The following COL4A3 variants were observed in gnomAD, a reference collection of about 807,000 sequenced individuals.
COL4A3 encodes collagen alpha-3(IV) chain.
Under a neutral mutation model 217.4 loss-of-function variants are expected in COL4A3, and 135 were observed. The observed-to-expected ratio is 0.62, with a 90% CI of 0.54 to 0.72. The LOEUF (loss-of-function observed/expected upper bound fraction) is 0.72. Among genes scored for constraint, COL4A3 ranks in the 30% least tolerant of loss-of-function variants. The pLI, the probability that COL4A3 is intolerant of heterozygous loss-of-function variation, is 0.00. For synonymous variants in COL4A3, 690 were observed against 736.3 expected (o/e 0.94, Z 1.02); for missense variants, 1,868 against 2,119.9 (o/e 0.88, Z 2.33).
At chr2:227,241,535 G>A (rs148309974) in intron 3 of COL4A3, among the ~76,000 whole-genome samples, 5,903 of 152,076 alleles carry the variant, frequency 0.039, 352 homozygotes, top group African/African-American at 0.13. Context: ...TTAGCCAGGT[G>A]TGGTGGCATA....
chr2:227,288,871 T>C (rs2072498711), intron 34 of COL4A3, among the ~76,000 whole-genome samples: 2 of 152,246 alleles, frequency 1.3e-5, no homozygotes, highest in South Asian at 4.2e-4. Context: ...TACAGTAATA[T>C]GCCATCGGTT....
chr2:227,195,265 TC>T (rs1183842058), intron 1 of COL4A3, among the ~76,000 whole-genome samples: 2 of 124,034 alleles, frequency 1.6e-5, no homozygotes, highest in Non-Finnish European at 3.3e-5. Flanking sequence ...TCACGTAAAA[TC>T]CCATAATCCC....
intron 33 of COL4A3, 42 bp from the exon 34 acceptor site, chr2:227,284,169 C>A (rs2072173513): frequency 1.9e-6 from 3 of 1,613,476 alleles, no homozygotes; most frequent in Non-Finnish European, 2.5e-6. Flanking sequence ...TATGAACTAC[C>A]TGAAGAATTA....
chr2:227,165,102 T>C (rs1215457929), intron 1 of COL4A3, among the ~76,000 whole-genome samples: 1 of 151,904 alleles, frequency 6.6e-6, no homozygotes, highest in Non-Finnish European at 1.5e-5. Context: ...GGTCAGTAAA[T>C]TAAAAAATAG....
intron 9 of COL4A3, among the ~76,000 whole-genome samples, chr2:227,249,230 A>ATATATATATATATTTTTTTTTTTTT: frequency 2.0e-4 from 3 of 14,688 alleles, no homozygotes; most frequent in African/African-American, 5.3e-4. Context: ...ATATATATAT[A>ATATATATATATATTTTTTTTTTTTT]TTTTTTTTTT....
In COL4A3 at chr2:227,272,972, C is replaced by A; in HGVS notation, c.1782C>A (p.Asp594Glu). The A allele has an allele frequency of 1.2e-6, 2 of 1,614,072 alleles. No individual in the cohort carries two copies. Among genetic ancestry groups the A allele is most frequent in the Non-Finnish European group, 1.7e-6 (2 of 1,180,010 alleles). Residue 594 changes from aspartate to glutamate, a missense_variant, in exon 26 of 52, where the codon GAC (aspartate) becomes GAA (glutamate). Physicochemically the swap from Asp to Glu is conservative, Grantham distance 45 (BLOSUM62 2). Transcript: ENST00000396578. Reference sequence around the variant, plus strand: ...AGGCTCTGAGTGGTGAGAAAGGGGACCAAGGTCCTCCAGGGGATCCTGGCT... The same window carrying A: ...AGGCTCTGAGTGGTGAGAAAGGGGAACAAGGTCCTCCAGGGGATCCTGGCT... The part of the protein sequence containing the change: ...GELALSGEKG[D>E]QGPPGDPGSP...
intron 1 of COL4A3, among the ~76,000 whole-genome samples, chr2:227,203,253 ATATATACATATATGTG>A (rs2066890479): frequency 1.7e-5 from 1 of 60,526 alleles, no homozygotes; most frequent in Non-Finnish European, 3.3e-5. Flanking sequence ...ACATATATGT[ATATATACATATATGTG>A]TATATATGTG....
chr2:227,230,403 T>C (rs1422677200), intron 1 of COL4A3, among the ~76,000 whole-genome samples: 3 of 152,324 alleles, frequency 2.0e-5, no homozygotes, highest in African/African-American at 7.2e-5. Flanking sequence ...ACAAATGATT[T>C]TGTATTCCAT....
rs1338835965 is a variant in COL4A3, at chr2:227,291,001, TCAGA to T, written c.3210+119_3210+122del. 8.7e-4 allele frequency: 1,060 copies of T among 1,219,302 alleles called. 8 individuals are homozygous for T. The highest frequency in any genetic ancestry group is 1.6e-4 in the Non-Finnish European group (141 of 861,764). The allele number at this position is 1,219,302 out of a possible 1,614,324, so 75.5% of individuals were successfully genotyped here. A position where few individuals can be genotyped will look rare whatever the true frequency, so the allele number is the denominator to read the frequency against. ...GAAAATTGAAACTGTTACTATACTT[TCAGA>T]CAGTTATTTGGATTTTTAAAATCCT... On this transcript the variant is annotated intron_variant, in intron 37 of 51. Coordinates refer to ENST00000396578, the MANE Select transcript of COL4A3 (RefSeq NM_000091.5).
intron 1 of COL4A3, among the ~76,000 whole-genome samples, chr2:227,198,309 T>C (rs1028689599): frequency 2.0e-5 from 3 of 152,224 alleles, no homozygotes; most frequent in Non-Finnish European, 2.9e-5. Context: ...GATTTGTGAA[T>C]GGCCATCAGA....
Position 227,191,451 on chromosome 2 carries a change from CTCTT to C in COL4A3, c.87+26640_87+26643del, listed in dbSNP as rs2066236001. On this transcript the variant is annotated intron_variant, in intron 1 of 51. Coordinates refer to ENST00000396578, the MANE Select transcript of COL4A3 (RefSeq NM_000091.5). This position sits in a 1 kb window ranked among gnomAD's most constrained non-coding sequence, Gnocchi z 6.8. ...TTTTGAAAAGCAGTTCACAAAATCA[CTCTT>C]TACCAGCCACATACAAATGTTGAAT... Among the ~76,000 whole-genome samples the C allele has an allele frequency of 6.6e-6, 1 of 152,214 alleles. No individual in the cohort carries two copies. The highest frequency in any genetic ancestry group is 1.5e-5 in the Non-Finnish European group (1 of 68,050).
intron 3 of COL4A3, among the ~76,000 whole-genome samples, chr2:227,240,846 C>T (rs34501615): frequency 5.3e-5 from 8 of 152,104 alleles, no homozygotes; most frequent in Non-Finnish European, 8.8e-5. Flanking sequence ...TGCCTTCTAC[C>T]ACCTCTCCTC....
At position 227,295,181 on chromosome 2, in the gene COL4A3, T is replaced by C. The variant is rs775223045; in HGVS notation, c.3518-88T>C. Reference sequence around the variant, plus strand: ...CTGATAGAACTGATTATCTTTAACATGTTTTCGGTGTGTACTAAACTTTTC... The same window carrying C: ...CTGATAGAACTGATTATCTTTAACACGTTTTCGGTGTGTACTAAACTTTTC... On this transcript the variant is annotated intron_variant, in intron 40 of 51. Transcript: ENST00000396578. The C allele has an allele frequency of 8.6e-5, 130 of 1,511,494 alleles. 1 individual carries two copies. Among genetic ancestry groups the C allele is most frequent in the Admixed American group, 1.8e-4 (11 of 59,714 alleles). 93.6% of individuals were successfully genotyped at this position (1,511,494 alleles called of 1,614,324 possible). A position where few individuals can be genotyped will look rare whatever the true frequency, so the allele number is the denominator to read the frequency against.
intron 1 of COL4A3, among the ~76,000 whole-genome samples, chr2:227,234,496 T>G (rs1220632335): frequency 6.6e-6 from 1 of 152,238 alleles, no homozygotes; most frequent in Non-Finnish European, 1.5e-5. Flanking sequence ...CAAATAGCCA[T>G]GCAATTCATA....
rs1265432530 is a variant in COL4A3 at position 227,284,291 on chromosome 2, G to C, written c.2827G>C (p.Gly943Arg). ...KGEQGDKGNP[G>R]PSEISHVIGD... is the part of the protein sequence containing the mutation. ...GGAACAAGGAGATAAAGGAAATCCC[G>C]GGCCTTCAGAGATATCCCACGTAAT... Residue 943 changes from glycine to arginine, a missense_variant, in exon 34 of 52, where the codon GGG becomes CGG. This residue lies in a region of COL4A3 where 1,503 missense variants were observed against 1,786.1 expected (regional missense o/e 0.84). Transcript: ENST00000396578. 1.9e-6 allele frequency: 3 copies of C among 1,613,950 alleles called. No homozygotes were observed. The highest frequency in any genetic ancestry group is 1.3e-5 in the African/African-American group (1 of 74,900).
At chr2:227,166,586 T>A (rs926792003) in intron 1 of COL4A3, among the ~76,000 whole-genome samples, 2 of 152,248 alleles carry the variant, frequency 1.3e-5, no homozygotes, top group African/African-American at 4.8e-5. Flanking sequence ...TATTTTTACA[T>A]GTAAACTTTT....
At chr2:227,171,759 A>G (rs2065481966) in intron 1 of COL4A3, among the ~76,000 whole-genome samples, 1 of 152,208 alleles carries the variant, frequency 6.6e-6, no homozygotes. Flanking sequence ...AGGAGAGACC[A>G]AGGCAAGTTT....
intron 1 of COL4A3, among the ~76,000 whole-genome samples, chr2:227,190,585 TAAAAC>T (rs777624832): frequency 1.6e-4 from 24 of 152,338 alleles, no homozygotes; most frequent in Non-Finnish European, 2.8e-4. Flanking sequence ...TATCACTAAT[TAAAAC>T]AAAGTGTATT....
rs746735368 is a variant in COL4A3 at position 227,298,757 on chromosome 2, C to T, written c.3827C>T (p.Pro1276Leu). The T allele has an allele frequency of 7.4e-6, 12 of 1,613,922 alleles. No individual in the cohort carries two copies. Among genetic ancestry groups the T allele is most frequent in the Non-Finnish European group, 1.0e-5 (12 of 1,179,862 alleles). ...IKGDKGSMGH[P>L]GPKGPPGTAG... Reference sequence around the variant, plus strand: ...GGAGACAAAGGGTCTATGGGCCACCCTGGCCCAAAAGGTCCACCTGGAACT... The same window carrying T: ...GGAGACAAAGGGTCTATGGGCCACCTTGGCCCAAAAGGTCCACCTGGAACT... The change falls in exon 43 of 52, where the codon CCT becomes CTT. Residue 1276 changes from proline (P) to leucine (L), a missense_variant. By Grantham distance (98) the Pro-to-Leu change is moderately conservative. Transcript: ENST00000396578.
Sources: allele counts gnomAD v4.1 joint callset (sites outside exome capture counted in the v4.1 genomes callset), GRCh38; gene constraint gnomAD v4.1.1; regional missense constraint gnomAD v4.1.1; non-coding constraint Gnocchi (gnomAD v3.1); transcripts MANE v1.5; gene names NCBI Gene and HGNC (gene_info 2026-07-23, HGNC 2026-07-21).